MCF2L: variants seen among roughly 807,000 people sequenced by gnomAD.
MCF2L encodes the protein guanine nucleotide exchange factor DBS.
In MCF2L, 97 loss-of-function variants were observed where a neutral mutation model predicts 153.4. That is an observed-to-expected ratio of 0.63 (90% CI 0.54 to 0.75). MCF2L has a LOEUF of 0.75. Ranked by LOEUF, MCF2L falls within the 30% of genes least tolerant of loss-of-function variation. MCF2L has a pLI of 0.00. For synonymous variants in MCF2L, 659 were observed against 632.2 expected, an observed-to-expected ratio of 1.04 and a Z score of -0.64; for missense variants, 1,347 against 1,495.2, an observed-to-expected ratio of 0.90 and a Z score of 1.64.
At chr13:113,069,666 C>T (rs541226903) in intron 8 of MCF2L, among the ~76,000 whole-genome samples, 2 of 152,316 alleles carry the variant, frequency 1.3e-5, no homozygotes, top group African/African-American at 2.4e-5. Flanking sequence ...GCAGAGGTTG[C>T]AGTGAGCCGA....
In MCF2L at chr13:113,097,087, G is replaced by A; in HGVS notation, c.*228G>A. 5.6e-6 allele frequency: 2 copies of A among 355,150 alleles called. No homozygotes were observed. Among genetic ancestry groups the A allele is most frequent in the Non-Finnish European group, 1.0e-5 (2 of 198,870 alleles). The allele number at this position is 355,150 out of a possible 1,614,324, so 22.0% of individuals were successfully genotyped here. Reference sequence around the variant, plus strand: ...GAGCCCACAGAGGAGGGGCCGCAGGGAACAGCCCCGGGCGGCAGGCGCCGG... The same window carrying A: ...GAGCCCACAGAGGAGGGGCCGCAGGAAACAGCCCCGGGCGGCAGGCGCCGG... On this transcript the variant is annotated 3_prime_UTR_variant, in exon 30 of 30. Transcript: ENST00000535094.
intron 1 of MCF2L, chr13:113,001,699 T>A (rs1319733918): frequency 7.4e-7 from 1 of 1,356,526 alleles, no homozygotes. Context: ...AGTGAGCCGA[T>A]GCTGCTCCTT....
intron 1 of MCF2L, among the ~76,000 whole-genome samples, chr13:113,014,243 A>G (rs2084364158): frequency 6.6e-6 from 1 of 152,180 alleles, no homozygotes. Flanking sequence ...TGTCCGTCTA[A>G]TGGCGAGGCC....
At chr13:112,995,902 C>T (rs1031501972) in intron 1 of MCF2L, among the ~76,000 whole-genome samples, 4 of 152,200 alleles carry the variant, frequency 2.6e-5, no homozygotes, top group African/African-American at 9.7e-5. Context: ...CAAGCAGCAC[C>T]TGGCGGCCAC....
intron 1 of MCF2L, among the ~76,000 whole-genome samples, chr13:112,996,458 G>A (rs1233761610): frequency 3.9e-5 from 6 of 152,234 alleles, no homozygotes; most frequent in Admixed American, 1.3e-4. Flanking sequence ...TGTGTGCAGC[G>A]GGGCTGGGAC....
chr13:112,894,892 A>G (rs890849498), intron 1 of MCF2L, among the ~76,000 whole-genome samples: 14 of 151,318 alleles, frequency 9.3e-5, no homozygotes, highest in Middle Eastern at 3.4e-3. Context: ...GGCTGGAGGG[A>G]AGGGTAGCCT....
intron 27 of MCF2L, chr13:113,095,571 T>A: frequency 1.0e-6 from 1 of 999,814 alleles, no homozygotes; most frequent in Non-Finnish European, 1.2e-6. Context: ...GGCCATCACG[T>A]GAGGGCAGGC....
intron 1 of MCF2L, among the ~76,000 whole-genome samples, chr13:113,010,896 C>A (rs2084051000): frequency 6.6e-6 from 1 of 152,218 alleles, no homozygotes; most frequent in Admixed American, 6.5e-5. Flanking sequence ...CCTCTGGGGA[C>A]CTGTCTCCTG....
intron 2 of MCF2L, among the ~76,000 whole-genome samples, chr13:113,023,106 G>A (rs2084998617): frequency 6.6e-6 from 1 of 152,220 alleles, no homozygotes; most frequent in Admixed American, 6.5e-5. Flanking sequence ...CGGGGACTGA[G>A]CTGTCCCAGG....
intron 1 of MCF2L, among the ~76,000 whole-genome samples, chr13:112,973,031 T>C (rs970016159): frequency 6.6e-6 from 1 of 151,818 alleles, no homozygotes; most frequent in African/African-American, 2.4e-5. Context: ...GTTGCAGGTC[T>C]CAGAGGAAAA....
In MCF2L at chr13:113,045,375, G is replaced by T; in HGVS notation, c.369+14G>T. ...CTGCGCATCGCAGTAAGTGCCACCC[G>T]GGGCTCTGCCCTGCGCCCGGCCCCT... On this transcript the variant is annotated intron_variant, in intron 4 of 29. Coordinates refer to ENST00000535094, the MANE Select transcript of MCF2L (RefSeq NM_001112732.3). The surrounding 1 kb of genome is among the most constrained non-coding windows in gnomAD (Gnocchi z 4.2). 1 of 1,610,952 alleles carries T rather than the reference G, an allele frequency of 6.2e-7. No individual in the cohort carries two copies. Among genetic ancestry groups the T allele is most frequent in the South Asian group, 1.1e-5 (1 of 91,026 alleles).
chr13:112,968,726 C>G (rs749069423), upstream of MCF2L: 74 of 1,389,536 alleles, frequency 5.3e-5, no homozygotes, highest in Non-Finnish European at 6.8e-5. Flanking sequence ...TAAAGGGAGG[C>G]GGCGGCCAGG....
In MCF2L at chr13:112,934,330, G is replaced by C. The variant is rs1337783250; in HGVS notation, c.169+31959G>C. On this transcript the variant is annotated intron_variant, in intron 2 of 29. Coordinates refer to the MCF2L transcript ENST00000375608. ...CTCAGCGCTGTCTCTAGAGGGACCT[G>C]CCCTGAGCCAGGCATGTGGTCTGCA... Among the ~76,000 whole-genome samples the C allele has an allele frequency of 6.6e-5, 10 of 152,222 alleles. No individual in the cohort carries two copies. The East Asian group carries it at 1.4e-3, about 21-fold the overall frequency.
chr13:113,017,699 G>C (rs1467136776), intron 2 of MCF2L, among the ~76,000 whole-genome samples: 1 of 151,928 alleles, frequency 6.6e-6, no homozygotes, highest in Non-Finnish European at 1.5e-5. Flanking sequence ...CGCTCCACTC[G>C]AAGGAAACAC....
At chr13:112,962,438 G>A (rs35992827) in intron 2 of MCF2L, among the ~76,000 whole-genome samples, 98,652 of 152,164 alleles carry the variant, frequency 0.65, 32,371 homozygotes, top group Non-Finnish European at 0.71. Context: ...GTGTGGTGTC[G>A]GCTGGGCCTG....
At chr13:112,912,442 A>G (rs2140526997) in intron 2 of MCF2L, among the ~76,000 whole-genome samples, 1 of 151,996 alleles carries the variant, frequency 6.6e-6, no homozygotes, top group Admixed American at 6.5e-5. Context: ...TCAGCCTCTC[A>G]AGTAGCTGGG....
At chr13:113,075,555 G>T (rs1282908703) in intron 11 of MCF2L, among the ~76,000 whole-genome samples, 1 of 152,042 alleles carries the variant, frequency 6.6e-6, no homozygotes, top group Non-Finnish European at 1.5e-5. Context: ...GGCTGGTCTC[G>T]AACTCCTGGG....
intron 2 of MCF2L, among the ~76,000 whole-genome samples, chr13:112,915,953 C>T (rs1324697287): frequency 1.3e-5 from 2 of 151,624 alleles, no homozygotes; most frequent in African/African-American, 4.9e-5. Context: ...AATCCCAGCA[C>T]TTTGGGAGGC....
At chr13:113,063,740 T>G (rs2031926390) in intron 5 of MCF2L, 5 of 421,604 alleles carry the variant, frequency 1.2e-5, no homozygotes, top group Non-Finnish European at 2.4e-5. Context: ...CCGGGGCCAC[T>G]GTTCTCCCTC....
Sources: gnomAD v4.1 joint callset for allele counts (sites outside exome capture counted in the v4.1 genomes callset) on GRCh38, gnomAD v4.1.1 for gene constraint, Gnocchi (gnomAD v3.1) non-coding constraint, MANE v1.5 for transcripts, NCBI Gene and HGNC (gene_info 2026-07-23, HGNC 2026-07-21) for gene names.